The following DEPDC5 variants were observed in gnomAD, a reference collection of about 807,000 sequenced individuals.
DEPDC5 encodes the protein GATOR1 complex protein DEPDC5.
Under a neutral mutation model 217.3 loss-of-function variants are expected in DEPDC5, and 73 were observed. The ratio of observed to expected loss-of-function variants is 0.34; its 90% CI spans 0.28 to 0.41. DEPDC5 has a LOEUF of 0.41. DEPDC5 is among the 10% of genes least tolerant of loss of function. The pLI, the probability that DEPDC5 is intolerant of heterozygous loss-of-function variation, is 1.00. For synonymous variants in DEPDC5, 733 were observed against 756.7 expected, an observed-to-expected ratio of 0.97 and a Z score of 0.51; for missense variants, 1,675 against 2,070.1, an observed-to-expected ratio of 0.81 and a Z score of 3.70.
intron 38 of DEPDC5, among the ~76,000 whole-genome samples, chr22:31,892,066 G>A (rs538026540): frequency 2.0e-3 from 310 of 152,312 alleles, no homozygotes; most frequent in African/African-American, 7.4e-3. Flanking sequence ...AAAGATTGTA[G>A]AACTACTGTC....
At chr22:31,759,636 T>C (rs2082221119) in intron 3 of DEPDC5, among the ~76,000 whole-genome samples, 2 of 148,584 alleles carry the variant, frequency 1.3e-5, no homozygotes, top group Non-Finnish European at 1.5e-5. Flanking sequence ...CCTCTTAAAG[T>C]GCTAGGATTA....
chr22:31,796,511 T>G (rs1418759523), intron 12 of DEPDC5, among the ~76,000 whole-genome samples: 1 of 152,210 alleles, frequency 6.6e-6, no homozygotes, highest in Non-Finnish European at 1.5e-5. Flanking sequence ...AGTGAACATT[T>G]TTACAGATAG....
chr22:31,844,753 G>A lies in DEPDC5; in HGVS notation c.2802-265G>A, dbSNP rs375430755. 1.3e-3 allele frequency: 281 copies of A among 220,426 alleles called. 4 individuals are homozygous for A. Among genetic ancestry groups the A allele is most frequent in the South Asian group, 3.5e-3 (65 of 18,670 alleles). The allele number at this position is 220,426 out of a possible 1,614,324, so 13.7% of individuals were successfully genotyped here. ...TGAGACAAGGTGGAGATGGGGTCTC[G>A]CCATGTTCCCCAAGCTGGTCTCAAC... On this transcript the variant is annotated intron_variant, in intron 29 of 42. Transcript: ENST00000651528.
In DEPDC5 at chr22:31,802,804, C is replaced by A; in HGVS notation, c.1047C>A (p.Leu349=). 6.2e-7 allele frequency: 1 copy of A among 1,607,810 alleles called. No homozygotes were observed. The highest frequency in any genetic ancestry group is 1.1e-5 in the South Asian group (1 of 89,470). The part of the protein sequence containing the change: ...GVGVFEVDRL[L]MILTKQRMID... The stretch of plus-strand genomic sequence containing the variant: ...GTGTCTTTGAAGTGGACCGCCTACT[C>A]ATGATCCTGACCAAGCAGCGGATGA... Residue 349 remains leucine (L), a synonymous_variant, in exon 15 of 43, where the codon CTC becomes CTA. Transcript: ENST00000651528.
intron 2 of DEPDC5, among the ~76,000 whole-genome samples, chr22:31,755,971 C>G (rs1263966042): frequency 6.6e-6 from 1 of 151,420 alleles, no homozygotes; most frequent in Non-Finnish European, 1.5e-5. Flanking sequence ...CTCCCAGGTT[C>G]AAGCAATTCT....
intron 24 of DEPDC5, among the ~76,000 whole-genome samples, chr22:31,824,302 C>T (rs532776811): frequency 2.6e-5 from 4 of 151,522 alleles, no homozygotes; most frequent in Non-Finnish European, 4.4e-5. Context: ...GCTGAGATTG[C>T]GCCACTGCAT....
intron 16 of DEPDC5, 86 bp downstream of exon 16, chr22:31,804,309 A>T: frequency 7.6e-7 from 1 of 1,307,504 alleles, no homozygotes; most frequent in Non-Finnish European, 1.1e-6. Context: ...GCATGCACTT[A>T]TAGTCCCACT....
intron 14 of DEPDC5, 91 bp downstream of exon 14, chr22:31,798,747 G>T (rs970866054): frequency 9.4e-6 from 12 of 1,279,110 alleles, no homozygotes; most frequent in African/African-American, 1.5e-5. Flanking sequence ...CTAAGAGAAG[G>T]TTCTTGGATC....
chr22:31,834,064 T>A, intron 25 of DEPDC5, 84 bp downstream of exon 25: 1 of 1,398,498 alleles, frequency 7.2e-7, no homozygotes. Flanking sequence ...GGAAGCCCTG[T>A]GGGAAGTGAG....
intron 13 of DEPDC5, among the ~76,000 whole-genome samples, chr22:31,797,937 T>TC (rs2086442719): frequency 1.3e-5 from 2 of 151,660 alleles, no homozygotes; most frequent in African/African-American, 4.8e-5. Context: ...CCTTTTTTTT[T>TC]TTTTTGAGAC....
chr22:31,809,481 A>C, intron 18 of DEPDC5, 130 bp from the exon 19 acceptor site: 1 of 922,406 alleles, frequency 1.1e-6, no homozygotes, highest in Non-Finnish European at 1.7e-6. Flanking sequence ...GGTAGGTGTC[A>C]GATGTTAGCT....
intron 40 of DEPDC5, among the ~76,000 whole-genome samples, chr22:31,899,942 C>T (rs892473148): frequency 1.3e-5 from 2 of 152,182 alleles, no homozygotes; most frequent in Admixed American, 6.5e-5. Context: ...AACAGCCTTG[C>T]AGAAGGCATG....
In DEPDC5 at chr22:31,783,988, A is replaced by G; in HGVS notation, c.562+3A>G. ...AATGTGGGATTTTGATATTTATGGT[A>G]CTGTGTCTATGTGCTGATTGTAACT... is the stretch of plus-strand genomic sequence containing the variant. On this transcript the variant is annotated splice_donor_region_variant and intron_variant, in intron 9 of 42. Transcript: ENST00000651528. The G allele has an allele frequency of 6.2e-7, 1 of 1,613,296 alleles. No individual in the cohort carries two copies. The highest frequency in any genetic ancestry group is 2.2e-5 in the East Asian group (1 of 44,828).
chr22:31,879,426 A>G, intron 37 of DEPDC5, 99 bp from the exon 38 acceptor site: 1 of 1,143,234 alleles, frequency 8.7e-7, no homozygotes, highest in East Asian at 2.5e-5. Context: ...GGCTTCTTTT[A>G]CTTAGCGTGT....
At chr22:31,798,272 T>G (rs1373562688) in intron 13 of DEPDC5, among the ~76,000 whole-genome samples, 2 of 152,130 alleles carry the variant, frequency 1.3e-5, no homozygotes, top group Non-Finnish European at 2.9e-5. Flanking sequence ...GTCTCATGCC[T>G]GTAATCCCAG....
chr22:31,803,367 T>G (rs2087099383), intron 15 of DEPDC5, among the ~76,000 whole-genome samples: 1 of 151,938 alleles, frequency 6.6e-6, no homozygotes, highest in South Asian at 2.1e-4. Flanking sequence ...TCCGCCACCA[T>G]GCCCGGCTAA....
chr22:31,844,931 C>A, intron 29 of DEPDC5, 87 bp from the exon 30 acceptor site: 1 of 1,391,970 alleles, frequency 7.2e-7, no homozygotes, highest in Non-Finnish European at 1.0e-6. Flanking sequence ...TGGACCTTCA[C>A]ACACCAACTC....
At chr22:31,827,344 A>G (rs936111816) in intron 24 of DEPDC5, among the ~76,000 whole-genome samples, 11 of 152,196 alleles carry the variant, frequency 7.2e-5, no homozygotes, top group African/African-American at 2.7e-4. Context: ...TTTTATAACC[A>G]TATATCGGAC....
intron 24 of DEPDC5, among the ~76,000 whole-genome samples, chr22:31,832,244 T>A (rs1469091489): frequency 6.6e-6 from 1 of 152,252 alleles, no homozygotes; most frequent in Non-Finnish European, 1.5e-5. Flanking sequence ...TTTACATGAT[T>A]TTATATGAAC....
Sources: gnomAD v4.1 joint callset for allele counts (sites outside exome capture counted in the v4.1 genomes callset) on GRCh38, gnomAD v4.1.1 for gene constraint, MANE v1.5 for transcripts, NCBI Gene and HGNC (gene_info 2026-07-23, HGNC 2026-07-21) for gene names.